Variants in KIAA1549L observed in about 807,000 individuals in gnomAD.
KIAA1549L encodes KIAA1549 like.
Under a neutral mutation model 160.7 loss-of-function variants are expected in KIAA1549L, and 88 were observed. That is an observed-to-expected ratio of 0.55 (90% confidence interval 0.46 to 0.65). KIAA1549L has a LOEUF of 0.65. Among genes scored for constraint, KIAA1549L ranks in the 30% least tolerant of loss-of-function variants. The pLI is 0.00. For missense variants in KIAA1549L, 2,258 were observed against 2,437.5 expected, an observed-to-expected ratio of 0.93 and a Z score of 1.55; for synonymous variants, 950 against 976.7, an observed-to-expected ratio of 0.97 and a Z score of 0.51.
At chr11:33,425,409 A>T (rs1851096186) in intron 1 of KIAA1549L, among the ~76,000 whole-genome samples, 3 of 152,154 alleles carry the variant, frequency 2.0e-5, no homozygotes, top group Non-Finnish European at 4.4e-5. Context: ...GTATCAAGGG[A>T]TCTTCATGTT....
At position 33,583,263 on chromosome 11, in the gene KIAA1549L, G is replaced by A; in HGVS notation, c.4403-75G>A. The A allele has an allele frequency of 5.8e-6, 8 of 1,380,746 alleles. No homozygotes were observed. The South Asian group carries it at 6.8e-5, about 12-fold the overall frequency. 85.5% of individuals were successfully genotyped at this position (1,380,746 alleles called of 1,614,324 possible). Reference sequence around the variant, plus strand: ...TCTGTCCAGGACTTGGGACTGGGGTGGGGGGTTATGTCTGGGTTGCTTTCC... The same window carrying A: ...TCTGTCCAGGACTTGGGACTGGGGTAGGGGGTTATGTCTGGGTTGCTTTCC... On this transcript the variant is annotated intron_variant, in intron 10 of 20. Coordinates refer to ENST00000658780, the MANE Select transcript of KIAA1549L (RefSeq NM_012194.3).
At chr11:33,600,796 C>T (rs551428092) in intron 13 of KIAA1549L, among the ~76,000 whole-genome samples, 1 of 152,298 alleles carries the variant, frequency 6.6e-6, no homozygotes, top group South Asian at 2.1e-4. Flanking sequence ...GCATATTGTT[C>T]TATGCCCTTT....
chr11:33,429,520 T>A (rs573674855), intron 1 of KIAA1549L, among the ~76,000 whole-genome samples: 10 of 152,276 alleles, frequency 6.6e-5, no homozygotes, highest in African/African-American at 2.4e-4. Flanking sequence ...CGGTCCTCAA[T>A]GTATTGCCCT....
intron 16 of KIAA1549L, among the ~76,000 whole-genome samples, chr11:33,632,937 C>T (rs544692540): frequency 6.6e-6 from 1 of 151,682 alleles, no homozygotes; most frequent in South Asian, 2.1e-4. Flanking sequence ...GTCACTCTTC[C>T]CTCCAGTTTC....
intron 3 of KIAA1549L, 111 bp downstream of exon 3, chr11:33,545,489 C>A: frequency 7.8e-7 from 1 of 1,284,262 alleles, no homozygotes; most frequent in Non-Finnish European, 1.0e-6. Context: ...TTCCACCCTC[C>A]CCCAGGGACA....
intron 1 of KIAA1549L, among the ~76,000 whole-genome samples, chr11:33,493,782 C>T (rs1852752757): frequency 6.6e-6 from 1 of 152,214 alleles, no homozygotes; most frequent in Non-Finnish European, 1.5e-5. Context: ...CCCTGTCCTT[C>T]CCTAGCCAAG....
At chr11:33,431,795 G>A (rs992775882) in intron 1 of KIAA1549L, among the ~76,000 whole-genome samples, 1 of 152,246 alleles carries the variant, frequency 6.6e-6, no homozygotes, top group Non-Finnish European at 1.5e-5. Flanking sequence ...TGGAGCAGGG[G>A]GCGGTGCTCA....
intron 1 of KIAA1549L, among the ~76,000 whole-genome samples, chr11:33,411,469 G>A (rs2134087701): frequency 6.6e-6 from 1 of 152,296 alleles, no homozygotes; most frequent in Non-Finnish European, 1.5e-5. Flanking sequence ...TCGGCTAGTG[G>A]ATGTTAGGGT....
chr11:33,504,016 C>G (rs893856337), intron 1 of KIAA1549L, among the ~76,000 whole-genome samples: 1 of 152,184 alleles, frequency 6.6e-6, no homozygotes, highest in African/African-American at 2.4e-5. Flanking sequence ...AGTCCCAGCA[C>G]TGGGAGGCCG....
chr11:33,589,677 C>T lies in KIAA1549L; in HGVS notation c.4567-1560C>T, dbSNP rs147144832. The stretch of plus-strand genomic sequence containing the variant: ...ATCGCAAGGACAAAAAACCAAGCAC[C>T]GCATGTTCTCACTCATAGGTGGGAA... On this transcript the variant is annotated intron_variant, in intron 11 of 20. Coordinates refer to ENST00000658780, the MANE Select transcript of KIAA1549L (RefSeq NM_012194.3). Among the ~76,000 whole-genome samples, 1,474 of 151,924 alleles carry T rather than the reference C, an allele frequency of 9.7e-3. 13 individuals carry two copies. The highest frequency in any genetic ancestry group is 0.032 in the African/African-American group (1,315 of 41,400).
intron 1 of KIAA1549L, among the ~76,000 whole-genome samples, chr11:33,401,281 ATATATT>A (rs1231611230): frequency 1.4e-5 from 2 of 147,974 alleles, no homozygotes; most frequent in East Asian, 1.9e-4. Context: ...AATATATAAA[ATATATT>A]TATATATAAA....
chr11:33,413,058 TC>T (rs1263949525), intron 1 of KIAA1549L, among the ~76,000 whole-genome samples: 16 of 152,090 alleles, frequency 1.1e-4, no homozygotes, highest in African/African-American at 3.9e-4. Flanking sequence ...CAAAGCCAGG[TC>T]TGGGGAACAT....
chr11:33,482,709 A>G (rs914988123), intron 1 of KIAA1549L, among the ~76,000 whole-genome samples: 1 of 150,766 alleles, frequency 6.6e-6, no homozygotes. Flanking sequence ...AGCTGGGATT[A>G]TAGGCACGTG....
intron 1 of KIAA1549L, among the ~76,000 whole-genome samples, chr11:33,538,798 T>C (rs1400011667): frequency 1.3e-5 from 2 of 152,150 alleles, no homozygotes; most frequent in Non-Finnish European, 2.9e-5. Context: ...GTATGAACTA[T>C]TCTTCTAGTT....
chr11:33,578,216 A>G (rs899495532), intron 10 of KIAA1549L, among the ~76,000 whole-genome samples: 6 of 152,236 alleles, frequency 3.9e-5, no homozygotes, highest in Admixed American at 3.3e-4. Context: ...GAGAGATCCT[A>G]TCAGGTTAGA....
At chr11:33,653,517 G>A (rs1851955645) in intron 17 of KIAA1549L, among the ~76,000 whole-genome samples, 1 of 152,160 alleles carries the variant, frequency 6.6e-6, no homozygotes, top group African/African-American at 2.4e-5. Context: ...TAGGCCTTTT[G>A]GGCTGCTTTT....
At chr11:33,474,030 A>G (rs1852235548) in intron 1 of KIAA1549L, among the ~76,000 whole-genome samples, 1 of 152,128 alleles carries the variant, frequency 6.6e-6, no homozygotes, top group Non-Finnish European at 1.5e-5. Flanking sequence ...TCTCACATGG[A>G]AAGAGTAGGA....
intron 1 of KIAA1549L, among the ~76,000 whole-genome samples, chr11:33,484,245 C>A (rs1273613100): frequency 6.6e-6 from 1 of 152,164 alleles, no homozygotes; most frequent in African/African-American, 2.4e-5. Flanking sequence ...GACTCTGTAA[C>A]CATTTGTTGA....
intron 1 of KIAA1549L, among the ~76,000 whole-genome samples, chr11:33,524,033 G>T (rs1193472597): frequency 6.6e-6 from 1 of 151,964 alleles, no homozygotes; most frequent in Admixed American, 6.6e-5. Context: ...TATTTTAAAG[G>T]CCTGAATTAG....
Sources: gnomAD v4.1 joint callset for allele counts (sites outside exome capture counted in the v4.1 genomes callset) on GRCh38, gnomAD v4.1.1 for gene constraint, MANE v1.5 for transcripts, NCBI Gene and HGNC (gene_info 2026-07-23, HGNC 2026-07-21) for gene names.